GPBP1L1: variants seen among roughly 807,000 people sequenced by gnomAD.
The protein encoded by GPBP1L1 is GC-rich promoter binding protein 1 like 1.
In GPBP1L1, 23 loss-of-function variants were observed where a neutral mutation model predicts 52.5. The observed-to-expected ratio is 0.44, with a 90% CI of 0.32 to 0.62. The LOEUF is 0.62. Ranked by LOEUF, GPBP1L1 falls within the 20% of genes least tolerant of loss-of-function variation. The pLI, the probability that GPBP1L1 is intolerant of heterozygous loss-of-function variation, is 0.06. For missense variants in GPBP1L1, 596 were observed against 579.3 expected (o/e 1.03, Z -0.30); for synonymous variants, 243 against 203.1 (o/e 1.20, Z -1.67).
chr1:45,645,934 T>C (rs893196000), intron 6 of GPBP1L1: 4 of 497,790 alleles, frequency 8.0e-6, no homozygotes, highest in South Asian at 1.5e-5. Flanking sequence ...TAGAAGCAGA[T>C]TGTTCTGCCG....
At chr1:45,671,648 A>C (rs578118852) in intron 2 of GPBP1L1, among the ~76,000 whole-genome samples, 2 of 151,764 alleles carry the variant, frequency 1.3e-5, no homozygotes, top group South Asian at 4.2e-4. Flanking sequence ...GTGAAACCCC[A>C]TCTCTACAAC....
rs201577311 is a variant in GPBP1L1, at chr1:45,683,203, C to T, written c.-1098+2373G>A. On this transcript the variant is annotated intron_variant, in intron 2 of 12. Coordinates refer to ENST00000355105, the MANE Select transcript of GPBP1L1 (RefSeq NM_021639.5). ...AGATTGCCTAAATTTGAATATAGGC[C>T]TTTTTTTTTTTTTTTTTTTTTTTTT... Among the ~76,000 whole-genome samples, 303 of 83,740 alleles carry T rather than the reference C, an allele frequency of 3.6e-3. 4 individuals are homozygous for T. The highest frequency in any genetic ancestry group is 0.026 in the East Asian group (67 of 2,616). The allele number at this position is 83,740 out of a possible 152,430, so 54.9% of individuals were successfully genotyped here.
intron 2 of GPBP1L1, among the ~76,000 whole-genome samples, chr1:45,674,785 A>C (rs1233372290): frequency 2.6e-5 from 4 of 152,204 alleles, no homozygotes; most frequent in Non-Finnish European, 5.9e-5. Flanking sequence ...GAAAACGTGT[A>C]AGGTAGGCTA....
rs147929822 is a variant in GPBP1L1, at chr1:45,633,498, C to A, written c.1035G>T (p.Lys345Asn). Residue 345 changes from lysine (K) to asparagine (N), a missense_variant, in exon 10 of 13, where the codon AAG (lysine) becomes AAT (asparagine). Coordinates refer to ENST00000355105, the MANE Select transcript of GPBP1L1 (RefSeq NM_021639.5). The stretch of plus-strand genomic sequence containing the variant: ...AGGCGGATGCTCTTACATCTTCCAG[C>A]TTGTCACAGTCTCTATTCTCTGAGA... The part of the protein sequence containing the change: ...GDFSENRDCD[K>N]LEDLEDNSTP... 1.2e-6 allele frequency: 2 copies of A among 1,613,954 alleles called. No homozygotes were observed. The highest frequency in any genetic ancestry group is 1.7e-5 in the Admixed American group (1 of 59,940).
intron 4 of GPBP1L1, 184 bp downstream of exon 4, chr1:45,658,844 A>G: frequency 1.8e-6 from 1 of 564,092 alleles, no homozygotes. Flanking sequence ...CTGGGAGCTG[A>G]GTCAGGAGGA....
intron 11 of GPBP1L1, among the ~76,000 whole-genome samples, chr1:45,629,926 AG>A (rs1644508462): frequency 6.6e-6 from 1 of 151,942 alleles, no homozygotes; most frequent in Non-Finnish European, 1.5e-5. Flanking sequence ...AGACAGTGTA[AG>A]GAAGAAAGAG....
chr1:45,648,142 G>A (rs989700307), intron 6 of GPBP1L1, among the ~76,000 whole-genome samples: 5 of 151,994 alleles, frequency 3.3e-5, no homozygotes, highest in East Asian at 1.9e-4. Flanking sequence ...GTTTCACCAC[G>A]TTGCCCAGGC....
intron 2 of GPBP1L1, among the ~76,000 whole-genome samples, chr1:45,663,218 A>G (rs1644968335): frequency 6.6e-6 from 1 of 152,210 alleles, no homozygotes; most frequent in Admixed American, 6.5e-5. Context: ...CGTACTTTTT[A>G]TCTTACGAAT....
chr1:45,639,011 T>C (rs1200544505), intron 8 of GPBP1L1, among the ~76,000 whole-genome samples: 1 of 152,130 alleles, frequency 6.6e-6, no homozygotes, highest in Non-Finnish European at 1.5e-5. Context: ...TCTGTATGAT[T>C]CATGAGCTCA....
chr1:45,658,032 C>T (rs1644904976), intron 4 of GPBP1L1, among the ~76,000 whole-genome samples: 1 of 152,134 alleles, frequency 6.6e-6, no homozygotes, highest in African/African-American at 2.4e-5. Context: ...ATGGGAAGCA[C>T]TTTTAAGTTT....
rs1644935451 is a variant in GPBP1L1, at chr1:45,660,460, G to A, written c.-332C>T. The A allele has an allele frequency of 3.1e-6, 3 of 981,632 alleles. No homozygotes were observed. Among genetic ancestry groups the A allele is most frequent in the Non-Finnish European group, 3.6e-6 (3 of 826,690 alleles). The allele number at this position is 981,632 out of a possible 1,614,324, so 60.8% of individuals were successfully genotyped here. ...AAAGTATTTGTTACATTTAAAAAGG[G>A]GGGGAAGGGGAAAGAGCTGTATCTA... is the stretch of plus-strand genomic sequence containing the variant. On this transcript the variant is annotated 5_prime_UTR_variant, in exon 3 of 13. Coordinates refer to ENST00000355105, the MANE Select transcript of GPBP1L1 (RefSeq NM_021639.5).
intron 8 of GPBP1L1, among the ~76,000 whole-genome samples, chr1:45,638,709 G>A (rs746326318): frequency 5.9e-5 from 9 of 152,184 alleles, no homozygotes; most frequent in Non-Finnish European, 1.2e-4. Flanking sequence ...TGAGGTCAAG[G>A]TGGGAGGATG....
chr1:45,671,723 C>T (rs2148504261), intron 2 of GPBP1L1, among the ~76,000 whole-genome samples: 1 of 152,186 alleles, frequency 6.6e-6, no homozygotes, highest in East Asian at 1.9e-4. Flanking sequence ...ACTCAGGAGG[C>T]TGAGGTGGGA....
At chr1:45,653,377 C>CA (rs950436251) in intron 6 of GPBP1L1, among the ~76,000 whole-genome samples, 5 of 151,928 alleles carry the variant, frequency 3.3e-5, no homozygotes, top group Admixed American at 2.6e-4. Context: ...GTATAAGAAA[C>CA]AAAAAAATTA....
intron 2 of GPBP1L1, among the ~76,000 whole-genome samples, chr1:45,665,551 A>T (rs974418101): frequency 2.0e-5 from 3 of 151,850 alleles, no homozygotes; most frequent in Admixed American, 6.6e-5. Flanking sequence ...GACCAGCCCG[A>T]CCAACATGGT....
Position 45,638,965 on chromosome 1 carries a change from A to G in GPBP1L1, c.744+1245T>C, listed in dbSNP as rs138269076. ...TGCACACTGACTATAGGACTAGCAC[A>G]CTATGACCCATGGGCCAAATCTTGA... On this transcript the variant is annotated intron_variant, in intron 8 of 12. Transcript: ENST00000355105. Among the ~76,000 whole-genome samples the G allele has an allele frequency of 8.6e-3, 1,317 of 152,270 alleles. 15 individuals carry two copies. Among genetic ancestry groups the G allele is most frequent in the Non-Finnish European group, 0.013 (874 of 68,018 alleles).
chr1:45,685,523 AC>A lies in GPBP1L1; in HGVS notation c.-1098+52del, dbSNP rs1159761340. ...AACTATTAAACACACACACCACCGCACCGCACCCATTCTTATGTAAACTTTT... is the reference window on the plus strand; with the variant it reads ...AACTATTAAACACACACACCACCGCACGCACCCATTCTTATGTAAACTTTT... On this transcript the variant is annotated intron_variant, in intron 2 of 12. Coordinates refer to ENST00000355105, the MANE Select transcript of GPBP1L1 (RefSeq NM_021639.5). 3 of 152,322 alleles carry A rather than the reference AC, an allele frequency of 2.0e-5. No individual in the cohort carries two copies. The East Asian group carries it at 5.8e-4, about 29-fold the overall frequency. The allele number at this position is 152,322 out of a possible 1,614,324, so 9.4% of individuals were successfully genotyped here.
intron 10 of GPBP1L1, among the ~76,000 whole-genome samples, chr1:45,631,246 A>T (rs921500933): frequency 2.0e-5 from 3 of 152,224 alleles, no homozygotes; most frequent in African/African-American, 7.2e-5. Flanking sequence ...ACATTTATTT[A>T]TTTATTTATT....
rs536184942 is a variant in GPBP1L1 at position 45,653,885 on chromosome 1, T to C, written c.477+658A>G. ...AGCTAATTTTTGTGTTTTTAGTAGA[T>C]ATGGGGTTTCACCATGTTGGTCAGG... On this transcript the variant is annotated intron_variant, in intron 6 of 12. Transcript: ENST00000355105. 9.9e-4 allele frequency among the ~76,000 whole-genome samples: 151 copies of C among 151,884 alleles called. 1 individual carries two copies. The highest frequency in any genetic ancestry group is 3.5e-3 in the African/African-American group (146 of 41,422).
Sources: gnomAD v4.1 joint callset for allele counts (sites outside exome capture counted in the v4.1 genomes callset) on GRCh38, gnomAD v4.1.1 for gene constraint, MANE v1.5 for transcripts, NCBI Gene and HGNC (gene_info 2026-07-23, HGNC 2026-07-21) for gene names.